LRRC9: variants seen among roughly 807,000 people sequenced by gnomAD.
LRRC9 encodes the protein leucine-rich repeat-containing protein 9.
Under a neutral mutation model 63.2 loss-of-function variants are expected in LRRC9, and 122 were observed. The ratio of observed to expected loss-of-function variants is 1.93; its 90% CI spans 1.67 to 2.24. The LOEUF (loss-of-function observed/expected upper bound fraction) is 2.24. LRRC9 is among the 30% of genes most tolerant of loss of function. The probability of loss-of-function intolerance (pLI) is 0.00; values close to 1 mark genes in which losing one functional copy is unlikely to be tolerated. For missense variants in LRRC9, 1,071 were observed against 627.7 expected, an observed-to-expected ratio of 1.71 and a Z score of -7.55; for synonymous variants, 366 against 213.1, an observed-to-expected ratio of 1.72 and a Z score of -6.25.
At chr14:59,960,655 TG>T (rs529364191) in intron 9 of LRRC9, among the ~76,000 whole-genome samples, 43 of 152,348 alleles carry the variant, frequency 2.8e-4, no homozygotes, top group African/African-American at 9.4e-4. Flanking sequence ...GTGACATGTC[TG>T]AGATCTGAAA....
chr14:59,997,929 G>C (rs1301624664), intron 18 of LRRC9, 82 bp downstream of exon 18: 1 of 576,884 alleles, frequency 1.7e-6, no homozygotes, highest in Non-Finnish European at 3.1e-6. Flanking sequence ...TTTAGTAATA[G>C]CCAGAGATAG....
rs952024640 is a variant in LRRC9 at position 59,978,058 on chromosome 14, C to T, written c.1804C>T (p.Gln602Ter). 5 of 701,948 alleles carry T rather than the reference C, an allele frequency of 7.1e-6. No individual in the cohort carries two copies. The highest frequency in any genetic ancestry group is 1.3e-5 in the Non-Finnish European group (5 of 384,406). 43.5% of individuals were successfully genotyped at this position (701,948 alleles called of 1,614,324 possible). Residue 602 changes from glutamine to a stop codon, truncating the protein, a stop_gained, in exon 15 of 32, where the codon CAG becomes TAG. Coordinates refer to ENST00000445360, the Ensembl canonical transcript of LRRC9. LOFTEE classifies it high-confidence loss of function. Reference sequence around the variant, plus strand: ...AAGAAACTGTGATTGCAGTGTTCGGCAGTGCAAGTGGTTTGTCTTTGATCA... The same window carrying T: ...AAGAAACTGTGATTGCAGTGTTCGGTAGTGCAAGTGGTTTGTCTTTGATCA...
At position 60,048,148 on chromosome 14, in the gene LRRC9, T is replaced by C. The variant is rs544004010; in HGVS notation, c.3991-4917T>C. ...CTCTGAGGGCAGATAAAGGCAGTGTTAAGAGGGGAATTTATAGCACTAAAT... is the reference window on the plus strand; with the variant it reads ...CTCTGAGGGCAGATAAAGGCAGTGTCAAGAGGGGAATTTATAGCACTAAAT... On this transcript the variant is annotated intron_variant, in intron 29 of 31. Transcript: ENST00000445360. 2.0e-5 allele frequency among the ~76,000 whole-genome samples: 3 copies of C among 152,232 alleles called. No individual in the cohort carries two copies. The South Asian group carries it at 6.2e-4, about 32-fold the overall frequency.
Position 60,053,012 on chromosome 14 carries a change from T to C in LRRC9, c.3991-53T>C. The C allele has an allele frequency of 1.5e-6, 1 of 673,312 alleles. No individual in the cohort carries two copies. The allele number at this position is 673,312 out of a possible 1,614,324, so 41.7% of individuals were successfully genotyped here. On this transcript the variant is annotated intron_variant, in intron 29 of 31. Coordinates refer to ENST00000445360, the Ensembl canonical transcript of LRRC9. The surrounding 1 kb of genome is among the most constrained non-coding windows in gnomAD (Gnocchi z 4.8). ...AAATTTCCTTCTCTATACAGGTTAA[T>C]CTTTGAAATAAAAGTTTTGTAGGAA...
chr14:60,040,961 A>G (rs1289466926), intron 29 of LRRC9, among the ~76,000 whole-genome samples: 3 of 151,972 alleles, frequency 2.0e-5, no homozygotes, highest in African/African-American at 7.3e-5. Flanking sequence ...CCTGGTGGTG[A>G]CAAAATCTCT....
chr14:59,955,454 A>T lies in LRRC9; in HGVS notation c.883-4364A>T, dbSNP rs1883635946. On this transcript the variant is annotated intron_variant, in intron 8 of 31. Transcript: ENST00000445360. The stretch of plus-strand genomic sequence containing the variant: ...GTAAAGGTGTTTGTAGTATTCTCTG[A>T]TGGTAGTTTGTATTTCTGTGGGATC... Among the ~76,000 whole-genome samples, 5 of 152,156 alleles carry T rather than the reference A, an allele frequency of 3.3e-5. No homozygotes were observed. The South Asian group carries it at 1.0e-3, about 32-fold the overall frequency.
intron 29 of LRRC9, among the ~76,000 whole-genome samples, chr14:60,034,772 T>C (rs1050817755): frequency 6.6e-6 from 1 of 152,200 alleles, no homozygotes; most frequent in African/African-American, 2.4e-5. Context: ...GTTGATTCCA[T>C]ATTTTGGCTA....
At chr14:59,928,390 G>A (rs1461541169) in exon 3 of LRRC9, 13 of 697,388 alleles carry the variant, frequency 1.9e-5, no homozygotes, top group East Asian at 1.3e-4. Flanking sequence ...CTAATTTAAC[G>A]AGTCTTACCA....
intron 29 of LRRC9, among the ~76,000 whole-genome samples, chr14:60,052,553 A>G: frequency 6.6e-6 from 1 of 152,218 alleles, no homozygotes; most frequent in East Asian, 1.9e-4. Context: ...AATGGTGGGG[A>G]CACTGAAAAC....
At chr14:59,944,849 T>TACACACACACACACACTC in intron 8 of LRRC9, 105 bp downstream of exon 8, 1 of 464,274 alleles carries the variant, frequency 2.2e-6, no homozygotes. Context: ...ACATATATAA[T>TACACACACACACACACTC]ACACACACAC....
intron 16 of LRRC9, 136 bp from the exon 17 acceptor site, chr14:59,984,969 A>T: frequency 2.3e-6 from 1 of 427,458 alleles, no homozygotes; most frequent in Non-Finnish European, 4.2e-6. Context: ...TCTTAATGCT[A>T]TTTAAAATAA....
At position 59,927,780 on chromosome 14, in the gene LRRC9, AC is replaced by A. The variant is rs1889330539; in HGVS notation, c.-33-130del. Reference sequence around the variant, plus strand: ...AAACTCCCTCAGAGTTTATACAGATACTTGGTAATATACTATGTGAAGATTT... The same window carrying A: ...AAACTCCCTCAGAGTTTATACAGATATTGGTAATATACTATGTGAAGATTT... On this transcript the variant is annotated intron_variant, in intron 1 of 31. Coordinates refer to ENST00000445360, the Ensembl canonical transcript of LRRC9. The surrounding 1 kb of genome is among the most constrained non-coding windows in gnomAD (Gnocchi z 4.4). 1.2e-5 allele frequency: 5 copies of A among 410,276 alleles called. No homozygotes were observed. The Admixed American group carries it at 1.3e-4, about 11-fold the overall frequency. The allele number at this position is 410,276 out of a possible 1,614,324, so 25.4% of individuals were successfully genotyped here.
At chr14:60,059,113 TC>T (rs1259982170) in intron 31 of LRRC9, 1 of 152,122 alleles carries the variant, frequency 6.6e-6, no homozygotes, top group Non-Finnish European at 1.5e-5. Context: ...AACTTCCTTC[TC>T]AGGTAAAAGC....
intron 12 of LRRC9, chr14:59,969,029 C>T (rs531559114): frequency 9.9e-5 from 15 of 152,012 alleles, no homozygotes; most frequent in Middle Eastern, 3.4e-3. Context: ...GTATTTTGGA[C>T]GTATTAGATT....
rs185660913 is a variant in LRRC9 at position 60,053,278 on chromosome 14, G to C, written c.4131+73G>C. 83 of 632,600 alleles carry C rather than the reference G, an allele frequency of 1.3e-4. No homozygotes were observed. The African/African-American group carries it at 1.4e-3, about 11-fold the overall frequency. The allele number at this position is 632,600 out of a possible 1,614,324, so 39.2% of individuals were successfully genotyped here. A position where few individuals can be genotyped will look rare whatever the true frequency, so the allele number is the denominator to read the frequency against. On this transcript the variant is annotated intron_variant, in intron 30 of 31. Transcript: ENST00000445360. The surrounding 1 kb of genome is among the most constrained non-coding windows in gnomAD (Gnocchi z 4.8). ...TTAGTAAATGAACATTATATCTTTT[G>C]ATTTAAATGTTTAAACCTATGGCGT... is the stretch of plus-strand genomic sequence containing the variant.
At chr14:59,920,095 G>T (rs1266693664) in intron 1 of LRRC9, 49 bp from the exon 1 acceptor site, 1 of 147,532 alleles carries the variant, frequency 6.8e-6, no homozygotes, top group Non-Finnish European at 1.5e-5. Context: ...CTCCCCACCC[G>T]GAGGTCGCCG....
chr14:60,007,531 C>T (rs1308161932), intron 22 of LRRC9, among the ~76,000 whole-genome samples: 1 of 152,154 alleles, frequency 6.6e-6, no homozygotes, highest in Non-Finnish European at 1.5e-5. Flanking sequence ...AGTTTCATCA[C>T]TTTTCAAATA....
At position 60,058,791 on chromosome 14, in the gene LRRC9, A is replaced by G. The variant is rs894938268; in HGVS notation, c.4276+769A>G. Among the ~76,000 whole-genome samples, 3 of 123,724 alleles carry G rather than the reference A, an allele frequency of 2.4e-5. No homozygotes were observed. The highest frequency in any genetic ancestry group is 5.1e-5 in the African/African-American group (2 of 38,988). The allele number at this position is 123,724 out of a possible 152,430, so 81.2% of individuals were successfully genotyped here. On this transcript the variant is annotated intron_variant, in intron 31 of 31. Coordinates refer to ENST00000445360, the Ensembl canonical transcript of LRRC9. The surrounding 1 kb of genome is among the most constrained non-coding windows in gnomAD (Gnocchi z 4.4). ...ATAAAATGATCTAAGAGCCTCCTAT[A>G]AAAAAAAGTAGACTGTTCCATGTGA...
chr14:60,064,880 G>A (rs1479649546), downstream of LRRC9, among the ~76,000 whole-genome samples: 1 of 152,100 alleles, frequency 6.6e-6, no homozygotes, highest in East Asian at 1.9e-4. Context: ...GAAAATAAAT[G>A]TAATAGGTTT....
Sources: allele counts gnomAD v4.1 joint callset (sites outside exome capture counted in the v4.1 genomes callset), GRCh38; gene constraint gnomAD v4.1.1; non-coding constraint Gnocchi (gnomAD v3.1); transcripts MANE v1.5; gene names NCBI Gene and HGNC (gene_info 2026-07-23, HGNC 2026-07-21).